Variants in RB1 observed in about 807,000 individuals in gnomAD.
RB1 encodes the protein retinoblastoma-associated protein.
In RB1, 18 loss-of-function variants were observed where a neutral mutation model predicts 135.4. The ratio of observed to expected loss-of-function variants is 0.13; its 90% confidence interval spans 0.09 to 0.20. The LOEUF is 0.20. Among genes scored for constraint, RB1 ranks in the 10% least tolerant of loss-of-function variants. The pLI, the probability that RB1 is intolerant of heterozygous loss-of-function variation, is 1.00. For missense variants in RB1, 868 were observed against 1,110.0 expected (o/e 0.78, Z 3.10); for synonymous variants, 365 against 373.2 (o/e 0.98, Z 0.25).
chr13:48,314,287 G>A (rs565701647), intron 2 of RB1, among the ~76,000 whole-genome samples: 46 of 152,110 alleles, frequency 3.0e-4, no homozygotes, highest in African/African-American at 1.0e-3. Flanking sequence ...ATCAATTTGC[G>A]GAATATTGCA....
Position 48,480,320 on chromosome 13 carries a change from G to T in RB1, c.*249G>T, listed in dbSNP as rs1949530910. The T allele has an allele frequency of 1.9e-6, 1 of 535,918 alleles. No individual in the cohort carries two copies. The highest frequency in any genetic ancestry group is 3.4e-6 in the Non-Finnish European group (1 of 297,140). The allele number at this position is 535,918 out of a possible 1,614,324, so 33.2% of individuals were successfully genotyped here. A position where few individuals can be genotyped will look rare whatever the true frequency, so the allele number is the denominator to read the frequency against. Reference sequence around the variant, plus strand: ...GCCATTTAAAAAGTTGTAGCAGATTGTTTCCTCTTCCAAAGTAAAATTGCT... The same window carrying T: ...GCCATTTAAAAAGTTGTAGCAGATTTTTTCCTCTTCCAAAGTAAAATTGCT... On this transcript the variant is annotated 3_prime_UTR_variant, in exon 27 of 27. Transcript: ENST00000267163.
intron 17 of RB1, among the ~76,000 whole-genome samples, chr13:48,445,962 A>C (rs1949284522): frequency 6.6e-6 from 1 of 151,902 alleles, no homozygotes; most frequent in African/African-American, 2.4e-5. Context: ...GGTTCCCTTT[A>C]TTTGTTATTT....
chr13:48,413,286 C>T (rs1948850150), intron 17 of RB1, among the ~76,000 whole-genome samples: 1 of 152,162 alleles, frequency 6.6e-6, no homozygotes, highest in Non-Finnish European at 1.5e-5. Context: ...TGTTGAACTG[C>T]GTGGTCTGCT....
chr13:48,308,673 C>T (rs543419918), intron 2 of RB1, among the ~76,000 whole-genome samples: 1 of 151,350 alleles, frequency 6.6e-6, no homozygotes, highest in African/African-American at 2.4e-5. Flanking sequence ...AAAAAAAACC[C>T]CAGAACTTTA....
chr13:48,364,217 A>C (rs1317537688), intron 8 of RB1, among the ~76,000 whole-genome samples: 1 of 152,166 alleles, frequency 6.6e-6, no homozygotes, highest in East Asian at 1.9e-4. Flanking sequence ...AATTTGAAAA[A>C]ATTTGTAGCA....
In RB1 at chr13:48,362,845, C is replaced by G. The variant is rs1952655335; in HGVS notation, c.749C>G (p.Pro250Arg). The G allele has an allele frequency of 6.2e-7, 1 of 1,613,778 alleles. No homozygotes were observed. The highest frequency in any genetic ancestry group is 2.2e-5 in the East Asian group (1 of 44,784). Residue 250 changes from proline (P) to arginine (R), a missense_variant, in exon 8 of 27, where the codon CCT (proline) becomes CGT (arginine). By Grantham distance (103) the Pro-to-Arg change is moderately radical. Transcript: ENST00000267163. ...KTAVIPINGS[P>R]RTPRRGQNRS... Reference sequence around the variant, plus strand: ...GCTGTTATACCCATTAATGGTTCACCTCGAACACCCAGGCGAGGTCAGAAC... The same window carrying G: ...GCTGTTATACCCATTAATGGTTCACGTCGAACACCCAGGCGAGGTCAGAAC...
At chr13:48,465,462 A>T in intron 23 of RB1, 94 bp downstream of exon 23, 1 of 1,251,294 alleles carries the variant, frequency 8.0e-7, no homozygotes, top group Non-Finnish European at 1.1e-6. Flanking sequence ...CATTTCAAAT[A>T]AGCTAGACTC....
At chr13:48,388,327 G>A (rs901189192) in intron 17 of RB1, among the ~76,000 whole-genome samples, 1 of 152,082 alleles carries the variant, frequency 6.6e-6, no homozygotes, top group Non-Finnish European at 1.5e-5. Flanking sequence ...TTGGGAAGAT[G>A]AATTTCATTT....
At chr13:48,412,693 C>T (rs4151554) in intron 17 of RB1, 9 of 489,944 alleles carry the variant, frequency 1.8e-5, no homozygotes, top group South Asian at 8.8e-5. Context: ...AGTTAACTGA[C>T]GAGCAACCTT....
intron 23 of RB1, among the ~76,000 whole-genome samples, chr13:48,466,587 G>A (rs1304054935): frequency 6.6e-6 from 1 of 151,918 alleles, no homozygotes; most frequent in Non-Finnish European, 1.5e-5. Context: ...AGAGAAGAAG[G>A]TTTCAGACGA....
At chr13:48,368,708 A>G in intron 11 of RB1, 104 bp downstream of exon 11, 2 of 1,459,132 alleles carry the variant, frequency 1.4e-6, no homozygotes, top group Non-Finnish European at 1.8e-6. Context: ...CATACATGTA[A>G]GAAATATATA....
intron 26 of RB1, among the ~76,000 whole-genome samples, chr13:48,478,421 A>G (rs566206469): frequency 6.6e-6 from 1 of 152,340 alleles, no homozygotes; most frequent in Admixed American, 6.5e-5. Context: ...AAATAGTTGC[A>G]TCTTTTCCCC....
intron 19 of RB1, among the ~76,000 whole-genome samples, chr13:48,457,983 G>T (rs1315213191): frequency 6.6e-6 from 1 of 152,182 alleles, no homozygotes; most frequent in Admixed American, 6.5e-5. Flanking sequence ...AGCTGCACTG[G>T]GGAGGGTGGG....
rs930610025 is a variant in RB1, at chr13:48,384,393, G to A, written c.1695+2950G>A. On this transcript the variant is annotated intron_variant, in intron 17 of 26. Coordinates refer to ENST00000267163, the MANE Select transcript of RB1 (RefSeq NM_000321.3). ...GTGTATTTTTCCTGTGAGAATAATT[G>A]ACATTATAGAGAAGGGATATGGCAT... is the stretch of plus-strand genomic sequence containing the variant. Among the ~76,000 whole-genome samples, 12 of 152,196 alleles carry A rather than the reference G, an allele frequency of 7.9e-5. 1 individual carries two copies. In the South Asian group the frequency reaches 1.7e-3, roughly 21 times the overall value.
intron 17 of RB1, among the ~76,000 whole-genome samples, chr13:48,394,275 C>T (rs1398045868): frequency 6.6e-6 from 1 of 152,192 alleles, no homozygotes; most frequent in African/African-American, 2.4e-5. Flanking sequence ...GAGATTCCCT[C>T]GGGTGCCTAC....
intron 17 of RB1, among the ~76,000 whole-genome samples, chr13:48,415,405 G>A (rs1192832995): frequency 2.0e-5 from 3 of 151,274 alleles, no homozygotes; most frequent in East Asian, 1.9e-4. Flanking sequence ...TCAGCCTCCC[G>A]AGTAGCTGGG....
chr13:48,411,302 G>T (rs888509822), intron 17 of RB1: 2 of 1,067,094 alleles, frequency 1.9e-6, no homozygotes, highest in Non-Finnish European at 1.4e-6. Context: ...TTCTTTTGGA[G>T]GTGGAAAAAT....
intron 5 of RB1, among the ~76,000 whole-genome samples, chr13:48,348,173 C>T (rs1412227823): frequency 6.6e-6 from 1 of 151,928 alleles, no homozygotes; most frequent in African/African-American, 2.4e-5. Flanking sequence ...CTGTTACAGG[C>T]ACTTTATTAA....
intron 17 of RB1, among the ~76,000 whole-genome samples, chr13:48,437,970 C>A (rs1451096955): frequency 6.6e-6 from 1 of 152,066 alleles, no homozygotes; most frequent in African/African-American, 2.4e-5. Context: ...TTGTGCTTTG[C>A]TGTAGTTAAT....
Sources: gnomAD v4.1 joint callset for allele counts (sites outside exome capture counted in the v4.1 genomes callset) on GRCh38, gnomAD v4.1.1 for gene constraint, MANE v1.5 for transcripts, NCBI Gene and HGNC (gene_info 2026-07-23, HGNC 2026-07-21) for gene names.